The following FSTL5 variants were observed in gnomAD, a reference collection of about 807,000 sequenced individuals.
The protein encoded by FSTL5 is follistatin-related protein 5.
In FSTL5, 62 loss-of-function variants were observed where a neutral mutation model predicts 89.1. The ratio of observed to expected loss-of-function variants is 0.70; its 90% CI spans 0.57 to 0.86. The LOEUF (loss-of-function observed/expected upper bound fraction) is 0.86. Among genes scored for constraint, FSTL5 ranks in the 40% least tolerant of loss-of-function variants. The pLI, the probability that FSTL5 is intolerant of heterozygous loss-of-function variation, is 0.00. For missense variants in FSTL5, 1,057 were observed against 1,001.6 expected (o/e 1.06, Z -0.75); for synonymous variants, 383 against 346.2 (o/e 1.11, Z -1.18).
chr4:162,018,431 T>G (rs1283070975), intron 3 of FSTL5, among the ~76,000 whole-genome samples: 1 of 152,192 alleles, frequency 6.6e-6, no homozygotes, highest in Non-Finnish European at 1.5e-5. Flanking sequence ...ATACTGTAGT[T>G]AATTGGTGAT....
chr4:161,958,396 T>C (rs1425815444), intron 3 of FSTL5, among the ~76,000 whole-genome samples: 3 of 152,184 alleles, frequency 2.0e-5, no homozygotes, highest in Admixed American at 1.3e-4. Flanking sequence ...TTTGATTTGA[T>C]AGAATGAATT....
intron 6 of FSTL5, among the ~76,000 whole-genome samples, chr4:161,657,877 C>G (rs777706350): frequency 2.0e-5 from 3 of 152,120 alleles, no homozygotes; most frequent in Non-Finnish European, 4.4e-5. Flanking sequence ...GAAATATACT[C>G]ACACTCCTAT....
intron 4 of FSTL5, among the ~76,000 whole-genome samples, chr4:161,866,382 G>A (rs1391866163): frequency 6.6e-6 from 1 of 151,656 alleles, no homozygotes; most frequent in African/African-American, 2.4e-5. Flanking sequence ...TATGCCTGCT[G>A]AGACATTTCA....
At chr4:161,786,599 T>G (rs933391191) in intron 4 of FSTL5, among the ~76,000 whole-genome samples, 1 of 152,126 alleles carries the variant, frequency 6.6e-6, no homozygotes, top group African/African-American at 2.4e-5. Flanking sequence ...AGTAATCCTA[T>G]GAATCTTTGT....
chr4:161,469,643 T>A (rs201152262), intron 13 of FSTL5, among the ~76,000 whole-genome samples: 4,450 of 141,214 alleles, frequency 0.032, 158 homozygotes, highest in East Asian at 0.13. Flanking sequence ...TTTATCTATT[T>A]TTTTTTTTTT....
At chr4:161,391,442 A>T (rs1158039020) in intron 15 of FSTL5, among the ~76,000 whole-genome samples, 1 of 152,210 alleles carries the variant, frequency 6.6e-6, no homozygotes, top group Non-Finnish European at 1.5e-5. Context: ...AACCCACTCA[A>T]AATACGCTGT....
chr4:161,433,360 T>C (rs1191695246), intron 15 of FSTL5, among the ~76,000 whole-genome samples: 3 of 152,016 alleles, frequency 2.0e-5, no homozygotes, highest in South Asian at 4.1e-4. Flanking sequence ...TCAATATCCC[T>C]TTATGATTAA....
intron 2 of FSTL5, among the ~76,000 whole-genome samples, chr4:162,096,549 C>T (rs1430083104): frequency 2.0e-5 from 3 of 151,662 alleles, no homozygotes; most frequent in Non-Finnish European, 4.4e-5. Flanking sequence ...TCTTAAAGCT[C>T]AACATAAAAC....
chr4:161,574,352 T>G (rs1339700699), intron 8 of FSTL5, among the ~76,000 whole-genome samples: 1 of 151,844 alleles, frequency 6.6e-6, no homozygotes, highest in African/African-American at 2.4e-5. Context: ...TTCTTTTTTT[T>G]TTTTAAATTT....
At chr4:161,689,791 G>A (rs1441261495) in intron 6 of FSTL5, among the ~76,000 whole-genome samples, 4 of 152,046 alleles carry the variant, frequency 2.6e-5, no homozygotes, top group Admixed American at 1.3e-4. Flanking sequence ...TATCCATTAA[G>A]CAACTACTTA....
At chr4:162,127,920 TA>T (rs1474334352) in intron 1 of FSTL5, among the ~76,000 whole-genome samples, 2 of 152,166 alleles carry the variant, frequency 1.3e-5, no homozygotes, top group Non-Finnish European at 2.9e-5. Context: ...TAATTCAAAT[TA>T]TTCACTAAGG....
chr4:162,037,201 T>A (rs1273663822), intron 2 of FSTL5, among the ~76,000 whole-genome samples: 1 of 151,780 alleles, frequency 6.6e-6, no homozygotes, highest in Admixed American at 6.6e-5. Flanking sequence ...AGAATATAAT[T>A]GGGGGCAAAA....
At chr4:161,437,580 A>AAAAAAAAACAAAAAAAC (rs1560894861) in intron 15 of FSTL5, among the ~76,000 whole-genome samples, 1 of 147,496 alleles carries the variant, frequency 6.8e-6, no homozygotes, top group African/African-American at 2.5e-5. Context: ...AAAAAAAAAA[A>AAAAAAAAACAAAAAAAC]AACGAGGTCA....
chr4:162,017,682 TCAG>T (rs1188567169), intron 3 of FSTL5, among the ~76,000 whole-genome samples: 2 of 152,284 alleles, frequency 1.3e-5, no homozygotes, highest in Admixed American at 6.5e-5. Context: ...AACAATGGGA[TCAG>T]CAGAACTTTA....
At chr4:161,540,554 C>T (rs1731783956) in intron 9 of FSTL5, among the ~76,000 whole-genome samples, 1 of 152,040 alleles carries the variant, frequency 6.6e-6, no homozygotes, top group Middle Eastern at 3.2e-3. Context: ...CAAATCTCCC[C>T]TTATTTCTTA....
intron 3 of FSTL5, among the ~76,000 whole-genome samples, chr4:161,923,386 G>C (rs2110871458): frequency 6.6e-6 from 1 of 151,878 alleles, no homozygotes; most frequent in South Asian, 2.1e-4. Context: ...TTAATGTAAA[G>C]TATAAAAATA....
chr4:161,465,367 GA>G (rs1207526906), intron 13 of FSTL5, among the ~76,000 whole-genome samples: 1 of 151,854 alleles, frequency 6.6e-6, no homozygotes, highest in Non-Finnish European at 1.5e-5. Context: ...CATTATTCAG[GA>G]ATATATAATT....
chr4:161,683,270 A>C (rs1014785280), intron 6 of FSTL5, among the ~76,000 whole-genome samples: 10 of 150,696 alleles, frequency 6.6e-5, no homozygotes, highest in African/African-American at 2.4e-4. Context: ...GGTGCTAGGA[A>C]TTTTTTGGCT....
intron 6 of FSTL5, among the ~76,000 whole-genome samples, chr4:161,755,226 A>T (rs1740528560): frequency 6.6e-6 from 1 of 152,098 alleles, no homozygotes; most frequent in African/African-American, 2.4e-5. Context: ...TATTAACAAT[A>T]CTAAAAATTA....
Sources: allele counts gnomAD v4.1 joint callset (sites outside exome capture counted in the v4.1 genomes callset), GRCh38; gene constraint gnomAD v4.1.1; transcripts MANE v1.5; gene names NCBI Gene and HGNC (gene_info 2026-07-23, HGNC 2026-07-21).